L3MBTL4: variants seen among roughly 807,000 people sequenced by gnomAD.
L3MBTL4 encodes lethal(3)malignant brain tumor-like protein 4.
Under a neutral mutation model 84.5 loss-of-function variants are expected in L3MBTL4, and 70 were observed. The ratio of observed to expected loss-of-function variants is 0.83; its 90% CI spans 0.68 to 1.01. The LOEUF is 1.01. Ranked by LOEUF, L3MBTL4 falls within the 50% of genes least tolerant of loss-of-function variation. The pLI, the probability that L3MBTL4 is intolerant of heterozygous loss-of-function variation, is 0.00. For synonymous variants in L3MBTL4, 274 were observed against 259.8 expected, an observed-to-expected ratio of 1.05 and a Z score of -0.52; for missense variants, 715 against 754.8, an observed-to-expected ratio of 0.95 and a Z score of 0.62.
intron 14 of L3MBTL4, among the ~76,000 whole-genome samples, chr18:6,112,053 T>G (rs771050024): frequency 1.3e-5 from 2 of 152,174 alleles, no homozygotes; most frequent in Non-Finnish European, 2.9e-5. Flanking sequence ...TCCCATAAAG[T>G]GAGCTCATTC....
chr18:6,408,674 T>C (rs2055836438), intron 1 of L3MBTL4, among the ~76,000 whole-genome samples: 2 of 151,900 alleles, frequency 1.3e-5, no homozygotes, highest in African/African-American at 2.4e-5. Context: ...GTTTTCTTTT[T>C]TTCTTCTTCT....
chr18:5,993,388 G>A (rs974439876), intron 16 of L3MBTL4, among the ~76,000 whole-genome samples: 9 of 152,176 alleles, frequency 5.9e-5, no homozygotes, highest in Admixed American at 3.3e-4. Flanking sequence ...AGCAAGCCAC[G>A]GGTCTCTGCA....
At chr18:6,245,054 C>T (rs2047601983) in intron 5 of L3MBTL4, among the ~76,000 whole-genome samples, 1 of 152,094 alleles carries the variant, frequency 6.6e-6, no homozygotes, top group Admixed American at 6.5e-5. Flanking sequence ...GGATTACATA[C>T]TGCGCCCAGC....
intron 1 of L3MBTL4, among the ~76,000 whole-genome samples, chr18:6,411,802 C>T (rs980038806): frequency 6.6e-6 from 1 of 152,174 alleles, no homozygotes; most frequent in African/African-American, 2.4e-5. Flanking sequence ...TTTCTCTCTC[C>T]ACTGAAAAGC....
intron 13 of L3MBTL4, among the ~76,000 whole-genome samples, chr18:6,143,421 T>G (rs2060253844): frequency 6.6e-6 from 1 of 152,166 alleles, no homozygotes; most frequent in Non-Finnish European, 1.5e-5. Flanking sequence ...CCTCATTAAA[T>G]TTTGTATGAT....
rs78300547 is a variant in L3MBTL4 at position 6,071,310 on chromosome 18, G to C, written c.1444+9571C>G. On this transcript the variant is annotated intron_variant, in intron 16 of 18. Coordinates refer to ENST00000317931, the MANE Select transcript of L3MBTL4 (RefSeq NM_001330559.2). ...TGAGGCTGAGGCATCAGAATCACTTGAACCCAGGAGGTGGAGGTTGCAGGA... is the reference window on the plus strand; with the variant it reads ...TGAGGCTGAGGCATCAGAATCACTTCAACCCAGGAGGTGGAGGTTGCAGGA... 9.4e-3 allele frequency among the ~76,000 whole-genome samples: 1,418 copies of C among 151,188 alleles called. 22 individuals carry two copies. Among genetic ancestry groups the C allele is most frequent in the African/African-American group, 0.033 (1,341 of 41,188 alleles).
At chr18:6,092,417 C>A (rs541094978) in intron 15 of L3MBTL4, among the ~76,000 whole-genome samples, 2 of 152,166 alleles carry the variant, frequency 1.3e-5, no homozygotes, top group African/African-American at 4.8e-5. Flanking sequence ...AAACTCTGCA[C>A]ACACAGAGAG....
intron 16 of L3MBTL4, among the ~76,000 whole-genome samples, chr18:6,060,443 G>A (rs1466611196): frequency 2.7e-5 from 4 of 148,754 alleles, no homozygotes; most frequent in Admixed American, 2.0e-4. Flanking sequence ...GGCAGTTTTA[G>A]GTTTATAAAA....
intron 1 of L3MBTL4, among the ~76,000 whole-genome samples, chr18:6,399,491 G>A (rs2055424305): frequency 6.6e-6 from 1 of 152,054 alleles, no homozygotes. Context: ...TGTATAAGTG[G>A]CTTTGTTCTT....
At chr18:6,024,643 C>T (rs2055423047) in intron 16 of L3MBTL4, among the ~76,000 whole-genome samples, 1 of 152,190 alleles carries the variant, frequency 6.6e-6, no homozygotes, top group South Asian at 2.1e-4. Context: ...GCTGGTCATA[C>T]TCATTTTTCC....
At chr18:6,186,176 C>T (rs540983006) in intron 12 of L3MBTL4, among the ~76,000 whole-genome samples, 1 of 151,934 alleles carries the variant, frequency 6.6e-6, no homozygotes, top group East Asian at 1.9e-4. Context: ...CCATGCCTGG[C>T]TGATTTTTGT....
intron 12 of L3MBTL4, among the ~76,000 whole-genome samples, chr18:6,176,320 C>G (rs998849641): frequency 2.0e-5 from 3 of 152,228 alleles, no homozygotes; most frequent in Non-Finnish European, 4.4e-5. Context: ...TACAAAGGCA[C>G]AGTTATTAGG....
chr18:6,114,722 T>C (rs1469996520), intron 14 of L3MBTL4, among the ~76,000 whole-genome samples: 1 of 152,252 alleles, frequency 6.6e-6, no homozygotes, highest in Non-Finnish European at 1.5e-5. Flanking sequence ...ATTAGGATTC[T>C]CAAATCTATT....
At chr18:6,186,860 T>C (rs1215057111) in intron 12 of L3MBTL4, among the ~76,000 whole-genome samples, 2 of 152,078 alleles carry the variant, frequency 1.3e-5, no homozygotes, top group African/African-American at 4.8e-5. Flanking sequence ...GAGGGGTGGC[T>C]TGGGGGCCTG....
chr18:6,135,396 A>C (rs748213098), intron 14 of L3MBTL4, among the ~76,000 whole-genome samples: 2 of 152,092 alleles, frequency 1.3e-5, no homozygotes, highest in Non-Finnish European at 2.9e-5. Flanking sequence ...CTCCTCAAAA[A>C]ATGGGTTTTT....
chr18:6,210,321 T>C (rs1039960003), intron 12 of L3MBTL4, among the ~76,000 whole-genome samples: 17 of 152,012 alleles, frequency 1.1e-4, no homozygotes, highest in Non-Finnish European at 2.4e-4. Flanking sequence ...AGCGACAAAG[T>C]GAGTGGGGTC....
In L3MBTL4 at chr18:5,958,178, G is replaced by A. The variant is rs995921588; in HGVS notation, c.1678-1791C>T. ...AGAAGAACAAGAAGAAGAAGAAGAC[G>A]ACGAAGAAGAAGAGGAAGAAAAATC... On this transcript the variant is annotated intron_variant, in intron 18 of 18. Transcript: ENST00000317931. 5.5e-4 allele frequency among the ~76,000 whole-genome samples: 82 copies of A among 150,410 alleles called. 2 individuals carry two copies. The highest frequency in any genetic ancestry group is 9.6e-4 in the Non-Finnish European group (65 of 67,660).
chr18:6,263,581 T>C (rs2048502433), intron 5 of L3MBTL4, among the ~76,000 whole-genome samples: 2 of 152,186 alleles, frequency 1.3e-5, no homozygotes, highest in African/African-American at 4.8e-5. Context: ...TACTGGCTAA[T>C]AGAAGTAAAA....
chr18:6,172,609 A>G (rs1477761462), intron 12 of L3MBTL4, among the ~76,000 whole-genome samples: 1 of 152,188 alleles, frequency 6.6e-6, no homozygotes, highest in Non-Finnish European at 1.5e-5. Context: ...AACAAGGCTA[A>G]TTATTGCAAG....
Sources: gnomAD v4.1 joint callset for allele counts (sites outside exome capture counted in the v4.1 genomes callset) on GRCh38, gnomAD v4.1.1 for gene constraint, MANE v1.5 for transcripts, NCBI Gene and HGNC (gene_info 2026-07-23, HGNC 2026-07-21) for gene names.